The following ZNF510 variants were observed in gnomAD, a reference collection of about 807,000 sequenced individuals.
ZNF510 encodes zinc finger protein 510.
A neutral mutation model predicts 18.1 loss-of-function variants in ZNF510; 15 were observed. The observed-to-expected ratio is 0.83, with a 90% CI of 0.55 to 1.28. The LOEUF (loss-of-function observed/expected upper bound fraction) is 1.28, where lower values mean the gene tolerates loss of function less well. ZNF510 is among the 50% of genes most tolerant of loss of function. The probability of loss-of-function intolerance (pLI) is 0.00; values close to 1 mark genes in which losing one functional copy is unlikely to be tolerated. For missense variants in ZNF510, 724 were observed against 791.8 expected (o/e 0.91, Z 1.03); for synonymous variants, 261 against 266.4 (o/e 0.98, Z 0.20).
chr9:96,776,590 T>C (rs1204626922), intron 1 of ZNF510, among the ~76,000 whole-genome samples: 2 of 152,004 alleles, frequency 1.3e-5, no homozygotes, highest in Non-Finnish European at 2.9e-5. Context: ...GCCTGGCCAA[T>C]ATGGTGAAAC....
intron 5 of ZNF510, 49 bp from the exon 6 acceptor site, chr9:96,760,526 G>C (rs745756298): frequency 2.7e-6 from 4 of 1,490,530 alleles, no homozygotes; most frequent in Admixed American, 4.4e-5. Context: ...ATCTTCTGTG[G>C]GTAGAGCTTT....
chr9:96,760,346 G>C lies in ZNF510; in HGVS notation c.484C>G (p.Leu162Val). 6.2e-7 allele frequency: 1 copy of C among 1,613,868 alleles called. No individual in the cohort carries two copies. The highest frequency in any genetic ancestry group is 8.5e-7 in the Non-Finnish European group (1 of 1,179,868). The change falls in exon 6 of 6, where the codon CTG becomes GTG. Residue 162 changes from leucine to valine, a missense_variant. Transcript: ENST00000223428. ...GTTGAAGCAACAGCAGCTACATGCAGAGTAAATGGTTTCCCCAAAACTTTC... is the reference window on the plus strand; with the variant it reads ...GTTGAAGCAACAGCAGCTACATGCACAGTAAATGGTTTCCCCAAAACTTTC... ...EEKVLGKPFT[L>V]HVAAVASTKM... is the part of the protein sequence containing the mutation.
At position 96,758,817 on chromosome 9, in the gene ZNF510, G is replaced by T. The variant is rs138742498; in HGVS notation, c.2013C>A (p.Ser671Arg). The T allele has an allele frequency of 2.4e-5, 38 of 1,608,892 alleles. 1 individual carries two copies. The African/African-American group carries it at 3.5e-4, about 15-fold the overall frequency. ...CCTCTCCCTGAATTTTCTGGTATAA[G>T]CTTAGGGTAGACTTCTTACATAATT... The part of the protein sequence containing the change: ...YGKLCKKSTL[S>R]LYQKIQGEGN... Residue 671 changes from serine (S) to arginine (R), a missense_variant, in exon 6 of 6, where the codon AGC becomes AGA. Transcript: ENST00000223428.
rs1443301730 is a variant in ZNF510, at chr9:96,755,798, C to T, written c.*2980G>A. On this transcript the variant is annotated 3_prime_UTR_variant, in exon 6 of 6. Coordinates refer to ENST00000223428, the MANE Select transcript of ZNF510 (RefSeq NM_014930.3). ...GAATTAATCAATGGCATATGAAGTACTGGCTATTTATCCAGAAGGAAAAAA... is the reference window on the plus strand; with the variant it reads ...GAATTAATCAATGGCATATGAAGTATTGGCTATTTATCCAGAAGGAAAAAA... 2 of 152,156 alleles carry T rather than the reference C, an allele frequency of 1.3e-5. No individual in the cohort carries two copies. The highest frequency in any genetic ancestry group is 4.8e-5 in the African/African-American group (2 of 41,432). 9.4% of individuals were successfully genotyped at this position (152,156 alleles called of 1,614,324 possible).
intron 3 of ZNF510, among the ~76,000 whole-genome samples, chr9:96,772,707 G>C (rs922881142): frequency 1.3e-5 from 2 of 152,108 alleles, no homozygotes; most frequent in African/African-American, 4.8e-5. Flanking sequence ...CACCAAAATG[G>C]CTAAAAACAA....
chr9:96,774,162 G>A (rs1216073733), intron 3 of ZNF510, among the ~76,000 whole-genome samples: 1 of 152,164 alleles, frequency 6.6e-6, no homozygotes, highest in East Asian at 1.9e-4. Flanking sequence ...CTCCTGTACT[G>A]CAACAATGAA....
intron 1 of ZNF510, among the ~76,000 whole-genome samples, chr9:96,777,308 T>C (rs1849722582): frequency 6.6e-6 from 1 of 152,212 alleles, no homozygotes; most frequent in East Asian, 1.9e-4. Context: ...AAGGCTGCAA[T>C]GCTGGGTTAG....
In ZNF510 at chr9:96,758,446, A is replaced by G. The variant is rs1279791829; in HGVS notation, c.*332T>C. On this transcript the variant is annotated 3_prime_UTR_variant, in exon 6 of 6. Transcript: ENST00000223428. ...GAAATCTGGACTATGTGCCTGGAGT[A>G]AAATGAAATTGGTGCTGGTGAAGAG... The G allele has an allele frequency of 4.8e-6, 1 of 209,660 alleles. No homozygotes were observed. 13.0% of individuals were successfully genotyped at this position (209,660 alleles called of 1,614,324 possible). A position where few individuals can be genotyped will look rare whatever the true frequency, so the allele number is the denominator to read the frequency against.
At chr9:96,770,130 T>C (rs1233008152) in intron 3 of ZNF510, among the ~76,000 whole-genome samples, 7 of 152,186 alleles carry the variant, frequency 4.6e-5, no homozygotes, top group South Asian at 2.1e-4. Context: ...ATAGCAGCAC[T>C]AGTCATAACA....
At chr9:96,762,949 TCTTA>T (rs1849386593) in intron 5 of ZNF510, 165 bp downstream of exon 5, 1 of 560,016 alleles carries the variant, frequency 1.8e-6, no homozygotes, top group Non-Finnish European at 3.2e-6. Context: ...TTAACAAATT[TCTTA>T]CTTTTAATGG....
At chr9:96,772,142 C>CA (rs1217214140) in intron 3 of ZNF510, among the ~76,000 whole-genome samples, 1 of 152,126 alleles carries the variant, frequency 6.6e-6, no homozygotes, top group Non-Finnish European at 1.5e-5. Flanking sequence ...ACTTGACTGA[C>CA]AAAAAACAGC....
At chr9:96,763,235 G>A in intron 4 of ZNF510, 22 bp from the exon 5 acceptor site, 8 of 1,607,846 alleles carry the variant, frequency 5.0e-6, no homozygotes, top group Non-Finnish European at 5.1e-6. Flanking sequence ...ACACAATCGA[G>A]GACTTAGACC....
In ZNF510 at chr9:96,763,113, C is replaced by T; in HGVS notation, c.352+5G>A. On this transcript the variant is annotated splice_donor_5th_base_variant and intron_variant, in intron 5 of 5. Coordinates refer to ENST00000223428, the MANE Select transcript of ZNF510 (RefSeq NM_014930.3). The stretch of plus-strand genomic sequence containing the variant: ...AATTATGTCTACTACTGCTCAGTAA[C>T]TCACTTGGGTGACTCTGGTTTGAGA... 6.2e-7 allele frequency: 1 copy of T among 1,613,536 alleles called. No homozygotes were observed. The highest frequency in any genetic ancestry group is 8.5e-7 in the Non-Finnish European group (1 of 1,179,466).
intron 3 of ZNF510, among the ~76,000 whole-genome samples, chr9:96,767,363 T>C (rs1849496761): frequency 6.6e-6 from 1 of 151,824 alleles, no homozygotes; most frequent in African/African-American, 2.4e-5. Context: ...AACAAACCCC[T>C]GAGACCCAGA....
chr9:96,764,031 A>G (rs1247701450), intron 3 of ZNF510, among the ~76,000 whole-genome samples: 1 of 152,226 alleles, frequency 6.6e-6, no homozygotes, highest in Non-Finnish European at 1.5e-5. Flanking sequence ...CAGGTGGTTG[A>G]GGCTGCAATG....
chr9:96,772,706 G>A (rs1352428849), intron 3 of ZNF510, among the ~76,000 whole-genome samples: 1 of 152,110 alleles, frequency 6.6e-6, no homozygotes, highest in African/African-American at 2.4e-5. Context: ...CCACCAAAAT[G>A]GCTAAAAACA....
intron 3 of ZNF510, among the ~76,000 whole-genome samples, chr9:96,768,003 A>G (rs7031703): frequency 0.059 from 9,034 of 152,248 alleles, 885 homozygotes; most frequent in African/African-American, 0.2. Context: ...CAACAAATAA[A>G]AAGTACTATA....
chr9:96,771,584 T>A (rs1398701070), intron 3 of ZNF510, among the ~76,000 whole-genome samples: 2 of 152,096 alleles, frequency 1.3e-5, no homozygotes, highest in Non-Finnish European at 2.9e-5. Context: ...ATTTCTATTA[T>A]CACCATTTGT....
rs1357729792 is a variant in ZNF510 at position 96,760,371 on chromosome 9, C to T, written c.459G>A (p.Glu153=). The T allele has an allele frequency of 2.5e-6, 4 of 1,613,834 alleles. No individual in the cohort carries two copies. In the African/African-American group the frequency reaches 5.3e-5, roughly 22 times the overall value. Residue 153 remains glutamate, a synonymous_variant, in exon 6 of 6, where the codon GAG becomes GAA. Transcript: ENST00000223428. ...GAGTAAATGGTTTCCCCAAAACTTTCTCTTCCTCTGTAGTCAATGTTTTAT... is the reference window on the plus strand; with the variant it reads ...GAGTAAATGGTTTCCCCAAAACTTTTTCTTCCTCTGTAGTCAATGTTTTAT... ...INNKTLTTEE[E]KVLGKPFTLH... is the part of the protein sequence containing the mutation.
Sources: gnomAD v4.1 joint callset for allele counts (sites outside exome capture counted in the v4.1 genomes callset) on GRCh38, gnomAD v4.1.1 for gene constraint, MANE v1.5 for transcripts, NCBI Gene and HGNC (gene_info 2026-07-23, HGNC 2026-07-21) for gene names.